The following GPCPD1 variants were observed in gnomAD, a reference collection of about 807,000 sequenced individuals.
GPCPD1 encodes the protein glycerophosphocholine phosphodiesterase GPCPD1.
GPCPD1 carries 29 observed loss-of-function variants against 89.2 expected under a neutral mutation model. The observed-to-expected ratio is 0.33, with a 90% confidence interval of 0.24 to 0.44. The LOEUF (loss-of-function observed/expected upper bound fraction) is 0.44. Among genes scored for constraint, GPCPD1 ranks in the 20% least tolerant of loss-of-function variants. The probability of loss-of-function intolerance (pLI) is 1.00; values close to 1 mark genes in which losing one functional copy is unlikely to be tolerated. For missense variants in GPCPD1, 594 were observed against 808.9 expected (o/e 0.73, Z 3.22); for synonymous variants, 258 against 266.3 (o/e 0.97, Z 0.30).
In GPCPD1 at chr20:5,584,334, G is replaced by A. The variant is rs750665137; in HGVS notation, c.308-12C>T. On this transcript the variant is annotated splice_polypyrimidine_tract_variant and intron_variant, in intron 5 of 19. Transcript: ENST00000379019. Reference sequence around the variant, plus strand: ...AATAATTTCGCTTTCTAGAATTTAAGGAAAATAGAAAATTTAGTTAAAACT... The same window carrying A: ...AATAATTTCGCTTTCTAGAATTTAAAGAAAATAGAAAATTTAGTTAAAACT... The A allele has an allele frequency of 7.8e-7, 1 of 1,288,356 alleles. No individual in the cohort carries two copies. The highest frequency in any genetic ancestry group is 2.3e-5 in the East Asian group (1 of 42,638). 79.8% of individuals were successfully genotyped at this position (1,288,356 alleles called of 1,614,324 possible). A position where few individuals can be genotyped will look rare whatever the true frequency, so the allele number is the denominator to read the frequency against.
At chr20:5,608,716 T>A (rs958274519) in intron 1 of GPCPD1, among the ~76,000 whole-genome samples, 4 of 152,200 alleles carry the variant, frequency 2.6e-5, no homozygotes. Context: ...TGTATGCACA[T>A]GAGCTGACCA....
chr20:5,610,283 C>T (rs571016619), intron 1 of GPCPD1, among the ~76,000 whole-genome samples: 2 of 152,188 alleles, frequency 1.3e-5, no homozygotes, highest in East Asian at 1.9e-4. Context: ...ATGACTATTC[C>T]TGGAACCTTT....
At chr20:5,598,860 A>C (rs774632938) in intron 2 of GPCPD1, 39 bp from the exon 3 acceptor site, 1 of 1,265,598 alleles carries the variant, frequency 7.9e-7, no homozygotes, top group African/African-American at 1.5e-5. Flanking sequence ...GAAACAGAAC[A>C]ATCAGTCACA....
chr20:5,610,265 G>A (rs1980871960), intron 1 of GPCPD1, among the ~76,000 whole-genome samples: 1 of 152,132 alleles, frequency 6.6e-6, no homozygotes, highest in Non-Finnish European at 1.5e-5. Context: ...ATTGTATCGA[G>A]GGCACTCATG....
chr20:5,595,994 C>T (rs891359268), intron 3 of GPCPD1, among the ~76,000 whole-genome samples: 1 of 151,988 alleles, frequency 6.6e-6, no homozygotes, highest in Admixed American at 6.6e-5. Context: ...TTTTCAAGTC[C>T]TCCCAAGTGA....
At chr20:5,558,155 AG>A in intron 18 of GPCPD1, 50 bp from the exon 19 acceptor site, 1 of 1,135,634 alleles carries the variant, frequency 8.8e-7, no homozygotes, top group Non-Finnish European at 1.3e-6. Flanking sequence ...TTAACTGCAA[AG>A]CTAAATGCTC....
Position 5,604,435 on chromosome 20 carries a change from GTCGTGC to G in GPCPD1, c.-28-1_-24del. On this transcript the variant is annotated splice_acceptor_variant and 5_prime_UTR_variant, in exon 2 of 20. Coordinates refer to ENST00000379019, the MANE Select transcript of GPCPD1 (RefSeq NM_019593.5). LOFTEE classifies it low-confidence loss of function (5UTR_SPLICE). ...CATTCTGATGGATTTATTTTATGAT[GTCGTGC>G]TAGGAAAAAAAAGAAAAGTAACTTA... The G allele has an allele frequency of 6.7e-7, 1 of 1,502,422 alleles. No homozygotes were observed. The highest frequency in any genetic ancestry group is 9.2e-7 in the Non-Finnish European group (1 of 1,089,954). 93.1% of individuals were successfully genotyped at this position (1,502,422 alleles called of 1,614,324 possible).
chr20:5,591,500 C>G (rs1979325270), intron 4 of GPCPD1, among the ~76,000 whole-genome samples: 1 of 152,112 alleles, frequency 6.6e-6, no homozygotes, highest in African/African-American at 2.4e-5. Context: ...AGATTACCTC[C>G]TAAAACTTTC....
chr20:5,606,320 CAAG>C (rs908976547), intron 1 of GPCPD1, among the ~76,000 whole-genome samples: 32 of 152,186 alleles, frequency 2.1e-4, no homozygotes, highest in African/African-American at 7.7e-4. Flanking sequence ...ACCAATGTTA[CAAG>C]AATTCCAATC....
At chr20:5,550,673 T>C (rs567344407) in intron 19 of GPCPD1, among the ~76,000 whole-genome samples, 92 of 152,380 alleles carry the variant, frequency 6.0e-4, no homozygotes, top group African/African-American at 2.2e-3. Flanking sequence ...AGAATGTTTC[T>C]AAAATTCTAA....
At chr20:5,604,611 C>CGGG (rs1209127849) in intron 1 of GPCPD1, among the ~76,000 whole-genome samples, 171 bp from the exon 2 acceptor site, 33 of 6,186 alleles carry the variant, frequency 5.3e-3, no homozygotes, top group East Asian at 0.015. Context: ...AACTTTAGTG[C>CGGG]GGGGGGGGGG....
At chr20:5,565,156 A>C (rs1986315971) in intron 14 of GPCPD1, 78 bp from the exon 15 acceptor site, 1 of 742,972 alleles carries the variant, frequency 1.3e-6, no homozygotes, top group East Asian at 2.6e-5. Context: ...CCTTAGTGCC[A>C]AAAAAAACAG....
At chr20:5,574,205 C>A in intron 10 of GPCPD1, 1 of 524,958 alleles carries the variant, frequency 1.9e-6, no homozygotes, top group East Asian at 3.3e-5. Context: ...ACACAACATG[C>A]ACTTGCCTTG....
In GPCPD1 at chr20:5,593,385, A is replaced by T; in HGVS notation, c.173T>A (p.Leu58His). ...ESMLWKATIVLSRGVSVQYRY... is the reference protein window; with the variant it reads ...ESMLWKATIVHSRGVSVQYRY... ...ATACTGAACTGATACTCCTCTACTG[A>T]GTACAATGGTTGCTTTCCATAGCAT... The change falls in exon 4 of 20, where the codon CTC becomes CAC. Residue 58 changes from leucine to histidine, a missense_variant. Leu to His is a moderately conservative substitution (Grantham distance 99). Coordinates refer to ENST00000379019, the MANE Select transcript of GPCPD1 (RefSeq NM_019593.5). The T allele has an allele frequency of 1.9e-6, 3 of 1,595,636 alleles. No homozygotes were observed. Among genetic ancestry groups the T allele is most frequent in the Non-Finnish European group, 2.6e-6 (3 of 1,163,954 alleles).
intron 4 of GPCPD1, among the ~76,000 whole-genome samples, chr20:5,588,844 A>G (rs1333521496): frequency 6.6e-6 from 1 of 151,548 alleles, no homozygotes. Context: ...AAAGAAAAAA[A>G]AAAGAAAAAG....
intron 2 of GPCPD1, among the ~76,000 whole-genome samples, 154 bp from the exon 3 acceptor site, chr20:5,598,975 C>G (rs1016101327): frequency 6.6e-6 from 1 of 152,124 alleles, no homozygotes; most frequent in African/African-American, 2.4e-5. Flanking sequence ...AGGTACCTAC[C>G]ACTCACTAAC....
chr20:5,604,122 T>G (rs1338236875), intron 2 of GPCPD1, among the ~76,000 whole-genome samples: 2 of 152,218 alleles, frequency 1.3e-5, no homozygotes, highest in Non-Finnish European at 2.9e-5. Flanking sequence ...ATCTCTGCCC[T>G]GTGCAAAATT....
At position 5,554,134 on chromosome 20, in the gene GPCPD1, A is replaced by AATT. The variant is rs543486729; in HGVS notation, c.1829+3808_1829+3810dup. On this transcript the variant is annotated intron_variant, in intron 19 of 19. Transcript: ENST00000379019. ...CAGGCGCCCGCCACCACGCCCGGCTAATTATTATTATTATTATTATTTTGT... is the reference window on the plus strand; with the variant it reads ...CAGGCGCCCGCCACCACGCCCGGCTAATTATTATTATTATTATTATTATTTTGT... Among the ~76,000 whole-genome samples the AATT allele has an allele frequency of 5.4e-4, 72 of 132,878 alleles. 12 individuals are homozygous for AATT. The highest frequency in any genetic ancestry group is 2.0e-3 in the South Asian group (8 of 4,082). The allele number at this position is 132,878 out of a possible 152,430, so 87.2% of individuals were successfully genotyped here.
intron 4 of GPCPD1, among the ~76,000 whole-genome samples, chr20:5,592,052 C>T (rs2038702515): frequency 2.0e-5 from 3 of 152,338 alleles, no homozygotes; most frequent in African/African-American, 4.8e-5. Flanking sequence ...AGGATAAATA[C>T]TTAGGTTGGC....
Sources: allele counts gnomAD v4.1 joint callset (sites outside exome capture counted in the v4.1 genomes callset), GRCh38; gene constraint gnomAD v4.1.1; transcripts MANE v1.5; gene names NCBI Gene and HGNC (gene_info 2026-07-23, HGNC 2026-07-21).